Variants in TCF4 observed in about 807,000 individuals in gnomAD.
The protein encoded by TCF4 is transcription factor 4.
TCF4 carries 3 observed loss-of-function variants against 82.1 expected under a neutral mutation model. That is an observed-to-expected ratio of 0.04 (90% CI 0.02 to 0.09). The LOEUF is 0.09. TCF4 is among the 10% of genes least tolerant of loss of function. The pLI is 1.00. For missense variants in TCF4, 518 were observed against 852.7 expected, an observed-to-expected ratio of 0.61 and a Z score of 4.89; for synonymous variants, 276 against 309.6, an observed-to-expected ratio of 0.89 and a Z score of 1.14.
At chr18:55,367,841 T>G (rs1289079881) in intron 6 of TCF4, among the ~76,000 whole-genome samples, 1 of 152,210 alleles carries the variant, frequency 6.6e-6, no homozygotes, top group Non-Finnish European at 1.5e-5. Flanking sequence ...AAACTCTAGA[T>G]AAGATTTAGT....
At position 55,282,961 on chromosome 18, in the gene TCF4, A is replaced by G. The variant is rs79709866; in HGVS notation, c.550-3305T>C. On this transcript the variant is annotated intron_variant, in intron 8 of 19. Transcript: ENST00000354452. The stretch of plus-strand genomic sequence containing the variant: ...GAAATGGAAAGACTTGGTGAAACTC[A>G]TAGGTCACAGCTCTTTTAGTAACCT... 1.2e-3 allele frequency among the ~76,000 whole-genome samples: 177 copies of G among 152,280 alleles called. 2 individuals carry two copies. The highest frequency in any genetic ancestry group is 4.0e-3 in the African/African-American group (168 of 41,540).
At chr18:55,359,348 C>T (rs905754422) in intron 6 of TCF4, among the ~76,000 whole-genome samples, 2 of 152,166 alleles carry the variant, frequency 1.3e-5, no homozygotes, top group African/African-American at 4.8e-5. Context: ...TCCTTCTAGA[C>T]GTTTCCTTCC....
At position 55,348,612 on chromosome 18, in the gene TCF4, G is replaced by A. The variant is rs994157326; in HGVS notation, c.549+1747C>T. 7.2e-5 allele frequency among the ~76,000 whole-genome samples: 11 copies of A among 152,166 alleles called. No homozygotes were observed. The South Asian group carries it at 8.3e-4, about 11-fold the overall frequency. ...ACTGTACCAGTAAAATTTTCTAAAG[G>A]GGCCAGTTAGCTATAGGGAAATACT... is the stretch of plus-strand genomic sequence containing the variant. On this transcript the variant is annotated intron_variant, in intron 8 of 19. Transcript: ENST00000354452.
chr18:55,232,324 T>C, intron 17 of TCF4, 185 bp downstream of exon 17: 2 of 644,892 alleles, frequency 3.1e-6, no homozygotes, highest in South Asian at 4.1e-5. Flanking sequence ...CAAAACAGTT[T>C]AGGCTCCAAT....
chr18:55,606,011 C>T (rs959830573), intron 2 of TCF4, among the ~76,000 whole-genome samples: 1 of 152,208 alleles, frequency 6.6e-6, no homozygotes, highest in Non-Finnish European at 1.5e-5. Flanking sequence ...GGGGTGGGCC[C>T]AGCAATCTAT....
intron 5 of TCF4, chr18:55,404,126 T>C: frequency 1.3e-6 from 1 of 762,062 alleles, no homozygotes; most frequent in East Asian, 6.0e-5. Context: ...CAAGTTCAGA[T>C]TCCACCAATA....
At chr18:55,458,697 A>C (rs1193849384) in intron 5 of TCF4, among the ~76,000 whole-genome samples, 2 of 152,182 alleles carry the variant, frequency 1.3e-5, no homozygotes, top group East Asian at 3.8e-4. Flanking sequence ...CCAATCAAGA[A>C]GGCATCGGGT....
intron 3 of TCF4, among the ~76,000 whole-genome samples, chr18:55,565,976 C>T (rs2097401885): frequency 2.0e-5 from 3 of 148,738 alleles, no homozygotes; most frequent in African/African-American, 5.0e-5. Flanking sequence ...CTGAGGCAGG[C>T]GATCACGAGG....
At chr18:55,508,210 C>T (rs2096785359) in intron 3 of TCF4, among the ~76,000 whole-genome samples, 3 of 152,128 alleles carry the variant, frequency 2.0e-5, no homozygotes, top group Admixed American at 1.3e-4. Context: ...CAACTGCAAA[C>T]TCATTTAAAG....
intron 3 of TCF4, among the ~76,000 whole-genome samples, chr18:55,511,093 G>C (rs1361148025): frequency 2.0e-5 from 3 of 151,874 alleles, no homozygotes; most frequent in Non-Finnish European, 2.9e-5. Context: ...CATTTCTTTG[G>C]GGTAATAATA....
In TCF4 at chr18:55,587,028, C is replaced by A. The variant is rs1228024171; in HGVS notation, c.72+17G>T. ...TTTTTTTCACAGCTGTTGTTAGTTT[C>A]CACCGTTCTTTCTTACCGCACTGAA... On this transcript the variant is annotated intron_variant, in intron 2 of 19. Coordinates refer to ENST00000354452, the MANE Select transcript of TCF4 (RefSeq NM_001083962.2). 6 of 1,611,280 alleles carry A rather than the reference C, an allele frequency of 3.7e-6. No homozygotes were observed. The highest frequency in any genetic ancestry group is 4.2e-6 in the Non-Finnish European group (5 of 1,177,864).
At chr18:55,622,341 T>C (rs1264130760) in intron 2 of TCF4, among the ~76,000 whole-genome samples, 1 of 151,060 alleles carries the variant, frequency 6.6e-6, no homozygotes, top group African/African-American at 2.4e-5. Flanking sequence ...ACCCCGTCTC[T>C]ACTAAAATAC....
intron 6 of TCF4, among the ~76,000 whole-genome samples, chr18:55,358,640 C>T (rs1257488178): frequency 6.6e-6 from 1 of 152,264 alleles, no homozygotes; most frequent in Non-Finnish European, 1.5e-5. Context: ...TGCTAGTTCT[C>T]TGCTCCACAC....
intron 13 of TCF4, among the ~76,000 whole-genome samples, chr18:55,258,326 T>C (rs771147706): frequency 6.6e-6 from 1 of 152,178 alleles, no homozygotes; most frequent in Non-Finnish European, 1.5e-5. Flanking sequence ...TCCTAACATG[T>C]GGTCTTCCAT....
intron 3 of TCF4, among the ~76,000 whole-genome samples, chr18:55,471,514 T>C (rs2096179386): frequency 6.6e-6 from 1 of 152,270 alleles, no homozygotes; most frequent in African/African-American, 2.4e-5. Context: ...ACTTTGCTTA[T>C]GTGGACAGCA....
chr18:55,629,753 TA>T lies in TCF4; in HGVS notation c.286+1544del, dbSNP rs899872058. Among the ~76,000 whole-genome samples the T allele has an allele frequency of 4.7e-3, 716 of 152,310 alleles. 4 individuals carry two copies. Among genetic ancestry groups the T allele is most frequent in the African/African-American group, 0.016 (646 of 41,552 alleles). Reference sequence around the variant, plus strand: ...CAAAGGCACAGGAGTGAAATCTATCTAAAAACTTTTATGTAAAATCACTCTC... The same window carrying T: ...CAAAGGCACAGGAGTGAAATCTATCTAAAACTTTTATGTAAAATCACTCTC... On this transcript the variant is annotated intron_variant, in intron 2 of 20. Transcript: ENST00000398339.
At chr18:55,294,603 C>T (rs772137672) in intron 8 of TCF4, among the ~76,000 whole-genome samples, 2 of 152,112 alleles carry the variant, frequency 1.3e-5, no homozygotes, top group African/African-American at 2.4e-5. Context: ...TGGCCTTGTA[C>T]CAGGAAGAAG....
At chr18:55,381,390 C>T (rs1290573654) in intron 6 of TCF4, among the ~76,000 whole-genome samples, 1 of 152,210 alleles carries the variant, frequency 6.6e-6, no homozygotes, top group Non-Finnish European at 1.5e-5. Context: ...GTAACATTAG[C>T]TGCACTGACA....
chr18:55,362,375 AAG>A lies in TCF4; in HGVS notation c.370-11374_370-11373del, dbSNP rs1192823254. On this transcript the variant is annotated intron_variant, in intron 6 of 19. Transcript: ENST00000354452. ...GAAGGAAGGAAGGAAGGAAGGAAGG[AAG>A]GAAGGAAGGAAGGAAAGAAGGAAGG... Among the ~76,000 whole-genome samples, 43 of 111,490 alleles carry A rather than the reference AAG, an allele frequency of 3.9e-4. 1 individual carries two copies. The highest frequency in any genetic ancestry group is 4.0e-3 in the Middle Eastern group (1 of 252). 73.1% of individuals were successfully genotyped at this position (111,490 alleles called of 152,430 possible). A position where few individuals can be genotyped will look rare whatever the true frequency, so the allele number is the denominator to read the frequency against.
Sources: gnomAD v4.1 joint callset for allele counts (sites outside exome capture counted in the v4.1 genomes callset) on GRCh38, gnomAD v4.1.1 for gene constraint, MANE v1.5 for transcripts, NCBI Gene and HGNC (gene_info 2026-07-23, HGNC 2026-07-21) for gene names.